The following ADGRL3 variants were observed in gnomAD, a reference collection of about 807,000 sequenced individuals.
The protein encoded by ADGRL3 is calcium-independent alpha-latrotoxin receptor 3.
Under a neutral mutation model 153.5 loss-of-function variants are expected in ADGRL3, and 62 were observed. The observed-to-expected ratio is 0.40, with a 90% CI of 0.33 to 0.50. ADGRL3 has a LOEUF of 0.50. Ranked by LOEUF, ADGRL3 falls within the 20% of genes least tolerant of loss-of-function variation. The pLI is 0.47. For synonymous variants in ADGRL3, 710 were observed against 672.5 expected (o/e 1.06, Z -0.86); for missense variants, 1,641 against 1,859.4 (o/e 0.88, Z 2.16).
At chr4:61,798,373 ATGTGCATG>A (rs1427966844) in intron 8 of ADGRL3, among the ~76,000 whole-genome samples, 1 of 152,078 alleles carries the variant, frequency 6.6e-6, no homozygotes, top group East Asian at 1.9e-4. Context: ...CTCTCTGTAT[ATGTGCATG>A]TGTGTCTGTG....
chr4:61,695,554 A>G (rs1473173446), intron 6 of ADGRL3, among the ~76,000 whole-genome samples: 5 of 152,148 alleles, frequency 3.3e-5, no homozygotes, highest in Non-Finnish European at 7.3e-5. Flanking sequence ...GTTTACCATG[A>G]TTCTGAATTG....
intron 9 of ADGRL3, among the ~76,000 whole-genome samples, chr4:61,836,507 T>C (rs1291654127): frequency 6.6e-6 from 1 of 152,050 alleles, no homozygotes; most frequent in African/African-American, 2.4e-5. Context: ...CCTTTTTCAA[T>C]TTTACCCATG....
chr4:61,971,782 A>G (rs555125807), intron 17 of ADGRL3, among the ~76,000 whole-genome samples: 98 of 152,218 alleles, frequency 6.4e-4, no homozygotes, highest in Non-Finnish European at 1.1e-3. Flanking sequence ...CAACAGTGTA[A>G]AATGTTCCTA....
chr4:61,741,448 C>A lies in ADGRL3; in HGVS notation c.1399+7894C>A, dbSNP rs565756012. ...ATGCATCAGCTGTTTTCTCTGTCTG[C>A]AGAGGAGCCCCTTCTTTTTCTTTCC... is the stretch of plus-strand genomic sequence containing the variant. On this transcript the variant is annotated intron_variant, in intron 8 of 26. Coordinates refer to ENST00000683033, the MANE Select transcript of ADGRL3 (RefSeq NM_001387552.1). 2.0e-5 allele frequency among the ~76,000 whole-genome samples: 3 copies of A among 152,324 alleles called. No individual in the cohort carries two copies. The South Asian group carries it at 6.2e-4, about 32-fold the overall frequency.
chr4:61,971,141 T>A (rs897143251), intron 17 of ADGRL3, among the ~76,000 whole-genome samples: 5 of 150,268 alleles, frequency 3.3e-5, no homozygotes, highest in Admixed American at 6.6e-5. Context: ...TAAATTTTTT[T>A]ATTTATTTTT....
intron 8 of ADGRL3, among the ~76,000 whole-genome samples, chr4:61,775,162 T>C (rs904885580): frequency 2.0e-5 from 3 of 152,026 alleles, no homozygotes; most frequent in Non-Finnish European, 4.4e-5. Flanking sequence ...TAACCTTCAC[T>C]GAATTATCCC....
chr4:61,221,599 T>C (rs1745592387), intron 1 of ADGRL3, among the ~76,000 whole-genome samples: 1 of 152,180 alleles, frequency 6.6e-6, no homozygotes, highest in Non-Finnish European at 1.5e-5. Context: ...TCCTAACTGC[T>C]ATAAAAGTGA....
intron 6 of ADGRL3, among the ~76,000 whole-genome samples, chr4:61,708,602 T>G (rs1309483144): frequency 6.6e-6 from 1 of 152,092 alleles, no homozygotes; most frequent in Admixed American, 6.6e-5. Flanking sequence ...GTAGGTTTGT[T>G]ACATAGGTAA....
chr4:61,409,986 T>G (rs760762626), intron 2 of ADGRL3, among the ~76,000 whole-genome samples: 1 of 152,034 alleles, frequency 6.6e-6, no homozygotes, highest in Non-Finnish European at 1.5e-5. Context: ...TTTACAATAA[T>G]CAGATCTTTG....
At chr4:61,298,441 A>C (rs1160244730) in intron 1 of ADGRL3, among the ~76,000 whole-genome samples, 1 of 152,192 alleles carries the variant, frequency 6.6e-6, no homozygotes, top group African/African-American at 2.4e-5. Flanking sequence ...CATTTCATTA[A>C]ACAAAAGCCT....
At chr4:61,947,512 C>A (rs985515489) in intron 16 of ADGRL3, among the ~76,000 whole-genome samples, 1 of 152,140 alleles carries the variant, frequency 6.6e-6, no homozygotes, top group Non-Finnish European at 1.5e-5. Flanking sequence ...CAATGGGTAA[C>A]TATGTGAGAC....
chr4:61,498,066 A>G (rs1240320884), intron 3 of ADGRL3, among the ~76,000 whole-genome samples: 4 of 152,158 alleles, frequency 2.6e-5, no homozygotes, highest in African/African-American at 7.2e-5. Flanking sequence ...TGGGCATTTG[A>G]AAGAAAACTC....
chr4:61,456,440 GATATATCTATATCT>G (rs2097753076), intron 2 of ADGRL3, among the ~76,000 whole-genome samples: 1 of 97,848 alleles, frequency 1.0e-5, no homozygotes, highest in African/African-American at 3.9e-5. Context: ...TATATATATA[GATATATCTATATCT>G]ATATATATAG....
chr4:61,704,765 T>A (rs1247923784), intron 6 of ADGRL3, among the ~76,000 whole-genome samples: 2 of 152,194 alleles, frequency 1.3e-5, no homozygotes, highest in Non-Finnish European at 2.9e-5. Context: ...TAAATTTATG[T>A]AATATTCTTT....
intron 5 of ADGRL3, among the ~76,000 whole-genome samples, chr4:61,638,259 CA>C (rs1263992013): frequency 1.3e-5 from 2 of 152,046 alleles, no homozygotes; most frequent in Non-Finnish European, 2.9e-5. Context: ...CTCTCAGAAA[CA>C]TAATGTTGAA....
chr4:61,956,910 AC>A (rs1272633341), intron 17 of ADGRL3, among the ~76,000 whole-genome samples: 13 of 152,038 alleles, frequency 8.6e-5, no homozygotes, highest in Admixed American at 3.9e-4. Flanking sequence ...TTGTTTTGGT[AC>A]CAATACCATG....
intron 23 of ADGRL3, among the ~76,000 whole-genome samples, chr4:62,034,346 GA>G (rs558406390): frequency 1.5e-3 from 222 of 151,784 alleles, no homozygotes; most frequent in African/African-American, 5.2e-3. Context: ...GGACCTTATA[GA>G]AAAACTTGCC....
intron 1 of ADGRL3, among the ~76,000 whole-genome samples, chr4:61,304,372 A>G (rs1395309010): frequency 1.3e-5 from 2 of 152,182 alleles, no homozygotes; most frequent in South Asian, 2.1e-4. Flanking sequence ...CTTTGTTTAT[A>G]TTATTGACTA....
chr4:61,464,688 A>G (rs2097859372), intron 2 of ADGRL3, among the ~76,000 whole-genome samples: 1 of 152,188 alleles, frequency 6.6e-6, no homozygotes, highest in East Asian at 1.9e-4. Context: ...AGGAACATGA[A>G]TTGCATATAA....
Sources: allele counts gnomAD v4.1 joint callset (sites outside exome capture counted in the v4.1 genomes callset), GRCh38; gene constraint gnomAD v4.1.1; transcripts MANE v1.5; gene names NCBI Gene and HGNC (gene_info 2026-07-23, HGNC 2026-07-21).